The following DST variants were observed in gnomAD, a reference collection of about 807,000 sequenced individuals.
DST encodes bullous pemphigoid antigen.
In DST, 253 loss-of-function variants were observed where a neutral mutation model predicts 875.2. The observed-to-expected ratio is 0.29, with a 90% CI of 0.26 to 0.32. The LOEUF (loss-of-function observed/expected upper bound fraction) is 0.32, where lower values mean the gene tolerates loss of function less well. Ranked by LOEUF, DST falls within the 10% of genes least tolerant of loss-of-function variation. The pLI is 1.00. For synonymous variants in DST, 3,124 were observed against 3,197.1 expected, an observed-to-expected ratio of 0.98 and a Z score of 0.77; for missense variants, 8,287 against 9,111.6, an observed-to-expected ratio of 0.91 and a Z score of 3.68.
chr6:56,533,827 GT>G (rs751480606), intron 63 of DST, among the ~76,000 whole-genome samples: 16 of 151,874 alleles, frequency 1.1e-4, no homozygotes, highest in Non-Finnish European at 2.1e-4. Context: ...ATATGCTGAA[GT>G]TTTCAAAAAC....
intron 97 of DST, among the ~76,000 whole-genome samples, chr6:56,469,420 G>C (rs749886122): frequency 6.6e-6 from 1 of 151,500 alleles, no homozygotes; most frequent in Non-Finnish European, 1.5e-5. Context: ...AGAGTGAACC[G>C]AGTTAATTGA....
At chr6:56,693,311 G>T in intron 9 of DST, 1 of 1,168,362 alleles carries the variant, frequency 8.6e-7, no homozygotes, top group South Asian at 1.8e-5. Flanking sequence ...TATGAGAAAG[G>T]CACACACAAG....
intron 2 of DST, among the ~76,000 whole-genome samples, chr6:56,900,957 G>A (rs1294801701): frequency 7.9e-5 from 12 of 151,964 alleles, no homozygotes; most frequent in African/African-American, 1.7e-4. Context: ...GAAGAAGGGC[G>A]TTTCCATTTT....
chr6:56,616,830 T>G, intron 36 of DST: 8 of 1,614,176 alleles, frequency 5.0e-6, no homozygotes, highest in Non-Finnish European at 6.8e-6. Flanking sequence ...ACAGCTGCCT[T>G]CTCTGCCTCA....
chr6:56,746,245 C>T (rs1259016878), intron 4 of DST, among the ~76,000 whole-genome samples: 1 of 152,174 alleles, frequency 6.6e-6, no homozygotes, highest in African/African-American at 2.4e-5. Context: ...CTTGGCTTCC[C>T]AAAGTGCTGG....
At position 56,501,127 on chromosome 6, in the gene DST, C is replaced by A. The variant is rs777114776; in HGVS notation, c.19849G>T (p.Val6617Phe). The change falls in exon 80 of 104, where the codon GTT becomes TTT. Residue 6617 changes from valine to phenylalanine, a missense_variant. This residue lies in a region of DST where 1,292 missense variants were observed against 1,552.7 expected (regional missense o/e 0.83). Coordinates refer to ENST00000680361, the MANE Select transcript of DST (RefSeq NM_001374736.1). ...TCAATGGCTTTAGGGTCTCCTCCAA[C>A]AGGTTTCTGCTCACTTAGCAAGCCC... ...TEGLLSEQKP[V>F]GGDPKAIEIE... The A allele has an allele frequency of 1.9e-6, 3 of 1,612,872 alleles. No homozygotes were observed.
At chr6:56,645,272 A>C (rs764896488) in intron 15 of DST, among the ~76,000 whole-genome samples, 4 of 152,188 alleles carry the variant, frequency 2.6e-5, no homozygotes, top group Admixed American at 1.3e-4. Flanking sequence ...AATTCATCCA[A>C]CAAGCATTTC....
In DST at chr6:56,517,296, T is replaced by C. The variant is rs2096613161; in HGVS notation, c.18259A>G (p.Met6087Val). The change falls in exon 71 of 104, where the codon ATG becomes GTG. Residue 6087 changes from methionine to valine, a missense_variant. Met to Val is a conservative substitution (Grantham distance 21). This residue lies in a region of DST where 777 missense variants were observed against 764.8 expected (regional missense o/e 1.02). Transcript: ENST00000680361. The stretch of plus-strand genomic sequence containing the variant: ...ATATCCTTGTGTCTCAAAATCTCCA[T>C]GGTGAATGTCTGTGATTTACCAAAA... Reference protein sequence around the residue: ...AQLQVQKTFTMEILRHKDIID... With the variant: ...AQLQVQKTFTVEILRHKDIID... 2 of 1,611,908 alleles carry C rather than the reference T, an allele frequency of 1.2e-6. No individual in the cohort carries two copies. The highest frequency in any genetic ancestry group is 1.3e-5 in the African/African-American group (1 of 74,876).
chr6:56,770,329 C>T (rs893214269), intron 4 of DST, among the ~76,000 whole-genome samples: 4 of 152,122 alleles, frequency 2.6e-5, no homozygotes, highest in African/African-American at 4.8e-5. Flanking sequence ...ATTGGTGTTA[C>T]GCCATAAAGT....
chr6:56,873,076 G>C (rs1295746235), intron 3 of DST, among the ~76,000 whole-genome samples: 3 of 151,978 alleles, frequency 2.0e-5, no homozygotes, highest in African/African-American at 7.3e-5. Context: ...GTTTTAATTT[G>C]CATTTCCTTG....
intron 4 of DST, among the ~76,000 whole-genome samples, chr6:56,810,792 CAT>C (rs1434022098): frequency 4.6e-5 from 7 of 151,922 alleles, no homozygotes; most frequent in African/African-American, 1.7e-4. Flanking sequence ...TACATCATGT[CAT>C]CTTCATTAAG....
intron 2 of DST, among the ~76,000 whole-genome samples, chr6:56,915,853 A>T (rs190627621): frequency 1.8e-4 from 28 of 152,354 alleles, no homozygotes; most frequent in African/African-American, 5.8e-4. Context: ...TGGTTAAACT[A>T]ATCTTACAAC....
intron 8 of DST, among the ~76,000 whole-genome samples, chr6:56,700,681 C>T (rs932240583): frequency 6.6e-6 from 1 of 152,078 alleles, no homozygotes; most frequent in African/African-American, 2.4e-5. Context: ...ACATTTACTT[C>T]CTGGACAAAA....
At position 56,504,109 on chromosome 6, in the gene DST, C is replaced by A. The variant is rs1310917226; in HGVS notation, c.19465-11G>T. 1 of 1,583,818 alleles carries A rather than the reference C, an allele frequency of 6.3e-7. No homozygotes were observed. The highest frequency in any genetic ancestry group is 8.6e-7 in the Non-Finnish European group (1 of 1,157,008). On this transcript the variant is annotated splice_polypyrimidine_tract_variant and intron_variant, in intron 77 of 103. Coordinates refer to ENST00000680361, the MANE Select transcript of DST (RefSeq NM_001374736.1). ...CCAGTCAAATACCGCCTGAAAGACACATTCGCCCACGTGTTGTTACAACAG... is the reference window on the plus strand; with the variant it reads ...CCAGTCAAATACCGCCTGAAAGACAAATTCGCCCACGTGTTGTTACAACAG...
chr6:56,919,598 T>C (rs1284194281), intron 2 of DST, among the ~76,000 whole-genome samples: 1 of 152,238 alleles, frequency 6.6e-6, no homozygotes, highest in Non-Finnish European at 1.5e-5. Context: ...AGTGCCTCTC[T>C]ATTGATTCCA....
intron 50 of DST, among the ~76,000 whole-genome samples, chr6:56,577,508 T>C (rs1363772513): frequency 6.6e-6 from 1 of 152,202 alleles, no homozygotes; most frequent in East Asian, 1.9e-4. Context: ...TCTGCATATA[T>C]GGGGATGCAG....
Position 56,612,759 on chromosome 6 carries a change from C to CA in DST, c.5059-1164dup, listed in dbSNP as rs2098555436. On this transcript the variant is annotated intron_variant, in intron 37 of 103. Transcript: ENST00000680361. Reference sequence around the variant, plus strand: ...AGAACGACCATCAGCTGTTCTTAGACAGTTATAATTAACGCCATTATCTGC... The same window carrying CA: ...AGAACGACCATCAGCTGTTCTTAGACAAGTTATAATTAACGCCATTATCTGC... 3.3e-5 allele frequency among the ~76,000 whole-genome samples: 5 copies of CA among 152,314 alleles called. No homozygotes were observed. In the South Asian group the frequency reaches 1.0e-3, roughly 32 times the overall value.
chr6:56,871,601 C>T, intron 3 of DST: 12 of 794,154 alleles, frequency 1.5e-5, no homozygotes, highest in Non-Finnish European at 2.5e-5. Context: ...GTTGGATTAA[C>T]CCATACATGA....
Position 56,606,609 on chromosome 6 carries a change from C to A in DST, c.8019G>T (p.Gly2673=), listed in dbSNP as rs770259203. The change falls in exon 40 of 104, where the codon GGG becomes GGT. Residue 2673 remains glycine, a synonymous_variant. Coordinates refer to ENST00000680361, the MANE Select transcript of DST (RefSeq NM_001374736.1). ...TCACACTTAAGCTACCAACTGGTGC[C>A]CCCTGGGGAACCATGGAATTTTCAT... ...KENENSMVPQ[G]APVGSLSVKN... The A allele has an allele frequency of 7.4e-6, 12 of 1,613,420 alleles. No homozygotes were observed. In the South Asian group the frequency reaches 1.1e-4, roughly 15 times the overall value.
Sources: gnomAD v4.1 joint callset for allele counts (sites outside exome capture counted in the v4.1 genomes callset) on GRCh38, gnomAD v4.1.1 for gene constraint, gnomAD v4.1.1 regional missense constraint, MANE v1.5 for transcripts, NCBI Gene and HGNC (gene_info 2026-07-23, HGNC 2026-07-21) for gene names.